ARNT2: variants seen among roughly 807,000 people sequenced by gnomAD.
ARNT2 encodes aryl hydrocarbon receptor nuclear translocator 2, also known as ARNT protein 2.
Under a neutral mutation model 91.7 loss-of-function variants are expected in ARNT2, and 36 were observed. The ratio of observed to expected loss-of-function variants is 0.39; its 90% CI spans 0.30 to 0.52. The LOEUF (loss-of-function observed/expected upper bound fraction) is 0.52. ARNT2 is among the 20% of genes least tolerant of loss of function. The pLI, the probability that ARNT2 is intolerant of heterozygous loss-of-function variation, is 0.72. For synonymous variants in ARNT2, 365 were observed against 347.1 expected (o/e 1.05, Z -0.57); for missense variants, 775 against 939.3 (o/e 0.83, Z 2.29).
chr15:80,588,150 C>G (rs1247495823), intron 17 of ARNT2, among the ~76,000 whole-genome samples: 1 of 152,070 alleles, frequency 6.6e-6, no homozygotes, highest in Non-Finnish European at 1.5e-5. Flanking sequence ...GGGAACTCAG[C>G]CGACCCCAGC....
At chr15:80,561,505 T>C (rs2141465760) in intron 11 of ARNT2, among the ~76,000 whole-genome samples, 1 of 152,352 alleles carries the variant, frequency 6.6e-6, no homozygotes, top group African/African-American at 2.4e-5. Flanking sequence ...TCTGGTTTGC[T>C]GTGTGTGCAT....
In ARNT2 at chr15:80,450,956, G is replaced by T. The variant is rs762678815; in HGVS notation, c.108G>T (p.Ala36=). Residue 36 remains alanine (A), a synonymous_variant, in exon 2 of 19, where the codon GCG becomes GCT. Transcript: ENST00000303329. ...PMAATGQVRM[A]GAMPARGGKR... Reference sequence around the variant, plus strand: ...CGGCCACCGGACAGGTGAGGATGGCGGGGGCCATGCCTGCCCGTGGAGGAA... The same window carrying T: ...CGGCCACCGGACAGGTGAGGATGGCTGGGGCCATGCCTGCCCGTGGAGGAA... 5 of 1,614,082 alleles carry T rather than the reference G, an allele frequency of 3.1e-6. No individual in the cohort carries two copies. Among genetic ancestry groups the T allele is most frequent in the Non-Finnish European group, 3.4e-6 (4 of 1,180,022 alleles).
At chr15:80,542,834 C>T (rs997180809) in intron 8 of ARNT2, among the ~76,000 whole-genome samples, 4 of 152,106 alleles carry the variant, frequency 2.6e-5, no homozygotes, top group Admixed American at 6.6e-5. Flanking sequence ...ATGCTGTTTT[C>T]TCTGCTTCCT....
chr15:80,436,648 A>G (rs1475505792), intron 1 of ARNT2, among the ~76,000 whole-genome samples: 1 of 152,148 alleles, frequency 6.6e-6, no homozygotes, highest in Admixed American at 6.5e-5. Context: ...ACCAGGAAGG[A>G]TGGTAGCTGC....
chr15:80,481,785 T>TA (rs1239159988), intron 5 of ARNT2, among the ~76,000 whole-genome samples: 1 of 152,220 alleles, frequency 6.6e-6, no homozygotes, highest in Non-Finnish European at 1.5e-5. Context: ...CTTTTTTAGA[T>TA]ATAGGGTCTC....
At chr15:80,438,137 A>C (rs1896121901) in intron 1 of ARNT2, among the ~76,000 whole-genome samples, 1 of 152,180 alleles carries the variant, frequency 6.6e-6, no homozygotes, top group Non-Finnish European at 1.5e-5. Flanking sequence ...TGTTATTTTT[A>C]TTTATTAGGA....
intron 6 of ARNT2, 111 bp downstream of exon 6, chr15:80,508,369 A>G (rs572440662): frequency 4.7e-4 from 454 of 956,632 alleles, no homozygotes; most frequent in Non-Finnish European, 6.8e-4. Flanking sequence ...ACGTGGGTTC[A>G]CTCCAGGGAC....
rs1897299780 is a variant in ARNT2 at position 80,508,194 on chromosome 15, G to C, written c.661G>C (p.Glu221Gln). 1 of 1,614,050 alleles carries C rather than the reference G, an allele frequency of 6.2e-7. No homozygotes were observed. Among genetic ancestry groups the C allele is most frequent in the African/African-American group, 1.3e-5 (1 of 74,932 alleles). The change falls in exon 6 of 19, where the codon GAA (glutamate) becomes CAA (glutamine). Residue 221 changes from glutamate (E) to glutamine (Q), a missense_variant. Coordinates refer to ENST00000303329, the MANE Select transcript of ARNT2 (RefSeq NM_014862.4). ...CCTGAAGACTGGGACGGTCAAGAAA[G>C]AAGGGCAGCAGTCATCCATGAGGAT... Reference protein sequence around the residue: ...LDLKTGTVKKEGQQSSMRMCM... With the variant: ...LDLKTGTVKKQGQQSSMRMCM...
At chr15:80,460,554 G>A (rs1471999891) in intron 3 of ARNT2, among the ~76,000 whole-genome samples, 1 of 152,212 alleles carries the variant, frequency 6.6e-6, no homozygotes, top group Non-Finnish European at 1.5e-5. Context: ...CAAGGCCTCA[G>A]CTCTTTCTCA....
In ARNT2 at chr15:80,559,044, G is replaced by A. The variant is rs72732075; in HGVS notation, c.1164+3905G>A. Among the ~76,000 whole-genome samples the A allele has an allele frequency of 1.6e-3, 237 of 152,256 alleles. No homozygotes were observed. In the Middle Eastern group the frequency reaches 0.024, roughly 15 times the overall value. Reference sequence around the variant, plus strand: ...TTTTTCACAGTAGACACTGGGAGGTGCAGTTGCCTGCCCCAGGTTACAGAG... The same window carrying A: ...TTTTTCACAGTAGACACTGGGAGGTACAGTTGCCTGCCCCAGGTTACAGAG... On this transcript the variant is annotated intron_variant, in intron 11 of 18. Coordinates refer to ENST00000303329, the MANE Select transcript of ARNT2 (RefSeq NM_014862.4).
intron 11 of ARNT2, among the ~76,000 whole-genome samples, chr15:80,559,528 A>G (rs1567001342): frequency 6.6e-6 from 1 of 152,242 alleles, no homozygotes; most frequent in Non-Finnish European, 1.5e-5. Flanking sequence ...TACGTCAGCT[A>G]AGAGCCAGCT....
At chr15:80,417,106 A>T (rs1227088784) in intron 1 of ARNT2, among the ~76,000 whole-genome samples, 1 of 68,216 alleles carries the variant, frequency 1.5e-5, no homozygotes, top group African/African-American at 5.4e-5. Context: ...AAAGATTATC[A>T]TATCTCTAAT....
Position 80,482,760 on chromosome 15 carries a change from C to T in ARNT2, c.622+7537C>T, listed in dbSNP as rs548617576. ...ACTTCTCAAAGTGTAGTCCTTAGGCCAGATGCATGAGCATCACTTGTGAAC... is the reference window on the plus strand; with the variant it reads ...ACTTCTCAAAGTGTAGTCCTTAGGCTAGATGCATGAGCATCACTTGTGAAC... On this transcript the variant is annotated intron_variant, in intron 5 of 18. Coordinates refer to ENST00000303329, the MANE Select transcript of ARNT2 (RefSeq NM_014862.4). 2.0e-5 allele frequency among the ~76,000 whole-genome samples: 3 copies of T among 152,250 alleles called. No individual in the cohort carries two copies. The East Asian group carries it at 5.8e-4, about 29-fold the overall frequency.
chr15:80,577,980 C>A (rs573228686), intron 15 of ARNT2, among the ~76,000 whole-genome samples: 2 of 152,196 alleles, frequency 1.3e-5, no homozygotes, highest in African/African-American at 4.8e-5. Flanking sequence ...CCATCATCAC[C>A]GCAGGTCACG....
intron 8 of ARNT2, among the ~76,000 whole-genome samples, chr15:80,550,217 G>A (rs1898059787): frequency 6.6e-6 from 1 of 152,192 alleles, no homozygotes; most frequent in African/African-American, 2.4e-5. Context: ...AAAGAGACTG[G>A]TCACCTACAG....
chr15:80,426,354 A>G (rs867577755), intron 1 of ARNT2, among the ~76,000 whole-genome samples: 8 of 152,312 alleles, frequency 5.3e-5, no homozygotes, highest in African/African-American at 1.9e-4. Context: ...TAACCACACC[A>G]TGGTCCTGTT....
At chr15:80,476,845 T>C (rs141206161) in intron 5 of ARNT2, among the ~76,000 whole-genome samples, 57 of 152,384 alleles carry the variant, frequency 3.7e-4, no homozygotes, top group Non-Finnish European at 5.9e-4. Flanking sequence ...CTCACTGATA[T>C]GGTTTAGATC....
At chr15:80,577,226 G>A (rs1235324784) in intron 15 of ARNT2, among the ~76,000 whole-genome samples, 1 of 152,226 alleles carries the variant, frequency 6.6e-6, no homozygotes, top group East Asian at 1.9e-4. Flanking sequence ...TGATTGCCAG[G>A]GAGAAGGGAG....
chr15:80,524,517 A>G (rs1897603172), intron 8 of ARNT2, among the ~76,000 whole-genome samples: 1 of 152,222 alleles, frequency 6.6e-6, no homozygotes, highest in Non-Finnish European at 1.5e-5. Context: ...TAAAAATAGC[A>G]TGGGACATCT....
Sources: allele counts gnomAD v4.1 joint callset (sites outside exome capture counted in the v4.1 genomes callset), GRCh38; gene constraint gnomAD v4.1.1; transcripts MANE v1.5; gene names NCBI Gene and HGNC (gene_info 2026-07-23, HGNC 2026-07-21).